WWOX: variants seen among roughly 807,000 people sequenced by gnomAD.
WWOX encodes the protein WW domain containing oxidoreductase.
WWOX carries 69 observed loss-of-function variants against 46.2 expected under a neutral mutation model. The ratio of observed to expected loss-of-function variants is 1.49; its 90% confidence interval spans 1.23 to 1.82. The LOEUF (loss-of-function observed/expected upper bound fraction) is 1.82, where lower values mean the gene tolerates loss of function less well. Ranked by LOEUF, WWOX falls within the 40% of genes most tolerant of loss-of-function variation. The probability of loss-of-function intolerance (pLI) is 0.00; values close to 1 mark genes in which losing one functional copy is unlikely to be tolerated. For synonymous variants in WWOX, 359 were observed against 202.6 expected (o/e 1.77, Z -6.56); for missense variants, 919 against 542.6 (o/e 1.69, Z -6.89).
At chr16:79,101,894 T>G (rs1348636848) in intron 8 of WWOX, 1 of 151,400 alleles carries the variant, frequency 6.6e-6, no homozygotes, top group African/African-American at 2.4e-5. Flanking sequence ...AAGGCTTTCA[T>G]GCATGAAACA....
intron 8 of WWOX, among the ~76,000 whole-genome samples, chr16:78,668,205 G>T (rs2047377319): frequency 6.6e-6 from 1 of 151,834 alleles, no homozygotes. Flanking sequence ...ACTGGAACCT[G>T]GGAAGCGGAG....
At chr16:79,152,276 G>T (rs1443184466) in intron 8 of WWOX, among the ~76,000 whole-genome samples, 1 of 152,186 alleles carries the variant, frequency 6.6e-6, no homozygotes, top group Non-Finnish European at 1.5e-5. Context: ...AGGCTGGCTG[G>T]ACCATGCGAT....
chr16:78,529,067 C>T (rs2043556133), intron 8 of WWOX, among the ~76,000 whole-genome samples: 1 of 151,744 alleles, frequency 6.6e-6, no homozygotes, highest in African/African-American at 2.4e-5. Flanking sequence ...GATCCTCCCA[C>T]CTCAGCCTCC....
intron 8 of WWOX, among the ~76,000 whole-genome samples, chr16:78,672,454 A>G (rs1671159342): frequency 1.3e-5 from 2 of 151,968 alleles, no homozygotes; most frequent in South Asian, 4.2e-4. Flanking sequence ...GGGTGTGTGC[A>G]CTCCTCATGT....
chr16:79,103,022 T>G (rs2049233829), intron 8 of WWOX, among the ~76,000 whole-genome samples: 1 of 152,172 alleles, frequency 6.6e-6, no homozygotes, highest in African/African-American at 2.4e-5. Flanking sequence ...TTCCCTCTTC[T>G]TTGTGTCCTT....
At chr16:78,725,450 C>T (rs541181373) in intron 8 of WWOX, among the ~76,000 whole-genome samples, 39 of 141,842 alleles carry the variant, frequency 2.7e-4, no homozygotes, top group East Asian at 6.5e-4. Flanking sequence ...CGGATTTAAG[C>T]GATTCTCCTG....
At chr16:79,034,239 G>A (rs766700667) in intron 8 of WWOX, among the ~76,000 whole-genome samples, 2 of 152,158 alleles carry the variant, frequency 1.3e-5, no homozygotes, top group Admixed American at 6.6e-5. Flanking sequence ...CATGCCCAAT[G>A]TAAAAATAGT....
At chr16:78,934,881 C>G (rs935981831) in intron 8 of WWOX, among the ~76,000 whole-genome samples, 32 of 152,206 alleles carry the variant, frequency 2.1e-4, no homozygotes, top group African/African-American at 7.5e-4. Flanking sequence ...GGGTGCATCA[C>G]TTGAGCCCAG....
At chr16:78,946,231 C>G (rs1388144563) in intron 8 of WWOX, among the ~76,000 whole-genome samples, 3 of 152,094 alleles carry the variant, frequency 2.0e-5, no homozygotes, top group Non-Finnish European at 4.4e-5. Context: ...TGCTCTGTCG[C>G]CCAGGATGGA....
At chr16:79,157,710 G>C (rs1372335084) in intron 8 of WWOX, among the ~76,000 whole-genome samples, 1 of 152,256 alleles carries the variant, frequency 6.6e-6, no homozygotes. Context: ...ATTGTGATCT[G>C]TGTCCTTTAC....
chr16:78,246,774 C>T (rs895708543), intron 5 of WWOX, among the ~76,000 whole-genome samples: 3 of 152,086 alleles, frequency 2.0e-5, no homozygotes, highest in Non-Finnish European at 2.9e-5. Flanking sequence ...GTTCAGGTGG[C>T]GTGGGGCGGT....
At chr16:78,151,147 G>A (rs1312789256) in intron 4 of WWOX, among the ~76,000 whole-genome samples, 2 of 151,822 alleles carry the variant, frequency 1.3e-5, no homozygotes, top group Admixed American at 6.6e-5. Flanking sequence ...AATGTGCTAG[G>A]ATTACAGGCA....
chr16:78,404,358 C>T (rs539039518), intron 6 of WWOX, among the ~76,000 whole-genome samples: 2 of 152,024 alleles, frequency 1.3e-5, no homozygotes, highest in Admixed American at 6.5e-5. Flanking sequence ...CACAAGGTGA[C>T]TTCAGATACC....
At position 79,088,682 on chromosome 16, in the gene WWOX, A is replaced by G. The variant is rs2048898227; in HGVS notation, c.1057-122926A>G. On this transcript the variant is annotated intron_variant, in intron 8 of 8. Coordinates refer to ENST00000566780, the MANE Select transcript of WWOX (RefSeq NM_016373.4). ...GCAGGGGGGCTCCTTCTGTGGGTAC[A>G]TCATTTGTCAAATATGTGGTCCATA... 2.0e-5 allele frequency among the ~76,000 whole-genome samples: 3 copies of G among 152,196 alleles called. No homozygotes were observed. The South Asian group carries it at 6.2e-4, about 31-fold the overall frequency.
At chr16:78,352,610 G>C (rs9929267) in intron 5 of WWOX, among the ~76,000 whole-genome samples, 46,928 of 152,034 alleles carry the variant, frequency 0.31, 8,004 homozygotes, top group African/African-American at 0.46. Flanking sequence ...TGATAATCTG[G>C]GATAATCTGC....
chr16:78,870,442 A>G (rs1309551072), intron 8 of WWOX, among the ~76,000 whole-genome samples: 1 of 151,964 alleles, frequency 6.6e-6, no homozygotes, highest in East Asian at 1.9e-4. Context: ...CATCATGGGG[A>G]TAACCGGAAT....
chr16:79,114,389 C>T (rs907734363), intron 8 of WWOX, among the ~76,000 whole-genome samples: 46 of 151,156 alleles, frequency 3.0e-4, no homozygotes, highest in Non-Finnish European at 5.9e-5. Context: ...CACATATCTA[C>T]GTATCTACAT....
At chr16:78,400,116 A>C (rs2082377198) in intron 6 of WWOX, among the ~76,000 whole-genome samples, 1 of 152,154 alleles carries the variant, frequency 6.6e-6, no homozygotes, top group Admixed American at 6.5e-5. Flanking sequence ...ATTAGCGGTA[A>C]AGTTCGTCAG....
chr16:78,884,353 C>G (rs981707661), intron 8 of WWOX, among the ~76,000 whole-genome samples: 9 of 146,400 alleles, frequency 6.1e-5, no homozygotes, highest in African/African-American at 2.3e-4. Context: ...TGCCAAAAGA[C>G]AAGTACAAGA....
Sources: allele counts gnomAD v4.1 joint callset (sites outside exome capture counted in the v4.1 genomes callset), GRCh38; gene constraint gnomAD v4.1.1; transcripts MANE v1.5; gene names NCBI Gene and HGNC (gene_info 2026-07-23, HGNC 2026-07-21).